PIK3C2B: variants seen among roughly 807,000 people sequenced by gnomAD.
PIK3C2B encodes phosphatidylinositol 4-phosphate 3-kinase C2 domain-containing subunit beta.
A neutral mutation model predicts 184.3 loss-of-function variants in PIK3C2B; 83 were observed. The ratio of observed to expected loss-of-function variants is 0.45; its 90% confidence interval spans 0.38 to 0.54. The LOEUF (loss-of-function observed/expected upper bound fraction) is 0.54. Among genes scored for constraint, PIK3C2B ranks in the 20% least tolerant of loss-of-function variants. The pLI is 0.00. For synonymous variants in PIK3C2B, 779 were observed against 837.6 expected, an observed-to-expected ratio of 0.93 and a Z score of 1.21; for missense variants, 1,736 against 2,113.5, an observed-to-expected ratio of 0.82 and a Z score of 3.50.
At chr1:204,441,427 T>C in intron 21 of PIK3C2B, 44 bp downstream of exon 21, 7 of 1,354,312 alleles carry the variant, frequency 5.2e-6, no homozygotes, top group Non-Finnish European at 7.4e-6. Context: ...TGCCTCCTTC[T>C]CTCTCCCACC....
intron 12 of PIK3C2B, among the ~76,000 whole-genome samples, chr1:204,452,706 G>A (rs1654480595): frequency 8.3e-6 from 1 of 120,682 alleles, no homozygotes; most frequent in African/African-American, 3.2e-5. Flanking sequence ...CCAGGCTATA[G>A]TGCAGTGGTG....
At chr1:204,462,001 G>A (rs1166339765) in intron 5 of PIK3C2B, among the ~76,000 whole-genome samples, 4 of 151,826 alleles carry the variant, frequency 2.6e-5, no homozygotes, top group Non-Finnish European at 4.4e-5. Flanking sequence ...TCATGTGTTG[G>A]GGGTCTGGGG....
chr1:204,486,344 G>A (rs1657589041), intron 1 of PIK3C2B, among the ~76,000 whole-genome samples: 1 of 149,192 alleles, frequency 6.7e-6, no homozygotes, highest in Non-Finnish European at 1.5e-5. Context: ...GCAGTGAGCT[G>A]GGATAGTGCC....
intron 8 of PIK3C2B, 113 bp downstream of exon 8, chr1:204,459,765 G>C: frequency 1.1e-6 from 1 of 890,170 alleles, no homozygotes. Context: ...TCTGCCAACA[G>C]ATTTTCAGGC....
intron 5 of PIK3C2B, among the ~76,000 whole-genome samples, 163 bp downstream of exon 5, chr1:204,463,849 C>T (rs1655528344): frequency 6.6e-6 from 1 of 152,196 alleles, no homozygotes; most frequent in African/African-American, 2.4e-5. Context: ...AGACAGAGCT[C>T]CTGGGGAAAG....
chr1:204,491,040 CA>C (rs1160472086), intron 1 of PIK3C2B, among the ~76,000 whole-genome samples: 1 of 152,094 alleles, frequency 6.6e-6, no homozygotes, highest in Non-Finnish European at 1.5e-5. Context: ...CCTACATGCC[CA>C]TGAGATGTCC....
At chr1:204,480,641 T>C (rs1487286221) in intron 1 of PIK3C2B, among the ~76,000 whole-genome samples, 1 of 151,954 alleles carries the variant, frequency 6.6e-6, no homozygotes, top group Non-Finnish European at 1.5e-5. Context: ...GGTGACTGCC[T>C]GTAAGCCTGG....
At chr1:204,481,661 C>T (rs1657160182) in intron 1 of PIK3C2B, among the ~76,000 whole-genome samples, 1 of 152,158 alleles carries the variant, frequency 6.6e-6, no homozygotes, top group African/African-American at 2.4e-5. Flanking sequence ...CCGGCCCTTC[C>T]CCAAGCAGGC....
chr1:204,440,502 C>T (rs1675592486), intron 21 of PIK3C2B, among the ~76,000 whole-genome samples, 181 bp from the exon 22 acceptor site: 1 of 152,092 alleles, frequency 6.6e-6, no homozygotes, highest in Non-Finnish European at 1.5e-5. Flanking sequence ...TCCCAGTTTG[C>T]CCATGTGTTG....
chr1:204,464,389 C>T, intron 4 of PIK3C2B, 61 bp downstream of exon 4: 1 of 1,503,022 alleles, frequency 6.7e-7, no homozygotes, highest in Non-Finnish European at 9.1e-7. Context: ...CGAGTCAAAA[C>T]ACAGTCATCC....
At chr1:204,438,858 G>A in intron 23 of PIK3C2B, 77 bp downstream of exon 23, 7 of 1,513,338 alleles carry the variant, frequency 4.6e-6, no homozygotes, top group Non-Finnish European at 6.3e-6. Context: ...AGCAAGTGCA[G>A]GTCTTGTGGT....
Position 204,475,303 on chromosome 1 carries a change from C to T in PIK3C2B, c.-84-5417G>A, listed in dbSNP as rs549144098. On this transcript the variant is annotated intron_variant, in intron 1 of 32. Transcript: ENST00000684373. ...CTCCGTGACTTGGTTCAAATTGTTC[C>T]AATTTGCTATTTGCTATTGGCTCCC... Among the ~76,000 whole-genome samples, 17 of 152,264 alleles carry T rather than the reference C, an allele frequency of 1.1e-4. No homozygotes were observed. In the East Asian group the frequency reaches 3.3e-3, roughly 29 times the overall value.
chr1:204,455,854 ACCTGGTAGCCCAGATGATGGGGATG>A lies in PIK3C2B; in HGVS notation c.1920_1943+1del. ...CTAGCGGCTACTCAGCCCTGGGCTC[ACCTGGTAGCCCAGATGATGGGGATG>A]CGGTGGGTGGCATAGACAGTGAAGG... On this transcript the variant is annotated splice_donor_variant and coding_sequence_variant, in exon 11 of 33. Coordinates refer to ENST00000684373, the MANE Select transcript of PIK3C2B (RefSeq NM_001377334.1). LOFTEE classifies it high-confidence loss of function. 1 of 1,608,918 alleles carries A rather than the reference ACCTGGTAGCCCAGATGATGGGGATG, an allele frequency of 6.2e-7. No homozygotes were observed. The highest frequency in any genetic ancestry group is 8.5e-7 in the Non-Finnish European group (1 of 1,176,978).
In PIK3C2B at chr1:204,447,536, G is replaced by A; in HGVS notation, c.2389C>T (p.Pro797Ser). 6.2e-7 allele frequency: 1 copy of A among 1,610,744 alleles called. No individual in the cohort carries two copies. Residue 797 changes from proline to serine, a missense_variant, in exon 15 of 33, where the codon CCC becomes TCC. Coordinates refer to ENST00000684373, the MANE Select transcript of PIK3C2B (RefSeq NM_001377334.1). The surrounding 1 kb of genome is among the most constrained non-coding windows in gnomAD (Gnocchi z 4.1). ...TSAFDIKFTS[P>S]PGDKFSPRYE... ...CGGGGGCTGAACTTGTCTCCAGGGG[G>A]GCTGGTGAACTTGATGTCAAAGGCC...
At chr1:204,463,896 T>G in intron 5 of PIK3C2B, 116 bp downstream of exon 5, 1 of 1,043,538 alleles carries the variant, frequency 9.6e-7, no homozygotes, top group Non-Finnish European at 1.4e-6. Context: ...AAAGCAGGAG[T>G]CTTGACTGTG....
chr1:204,464,066 A>G lies in PIK3C2B; in HGVS notation c.1256T>C (p.Val419Ala). The G allele has an allele frequency of 6.2e-7, 1 of 1,614,212 alleles. No individual in the cohort carries two copies. The highest frequency in any genetic ancestry group is 1.1e-5 in the South Asian group (1 of 91,084). Residue 419 changes from valine (V) to alanine (A), a missense_variant, in exon 5 of 33, where the codon GTG (valine) becomes GCG (alanine). Coordinates refer to ENST00000684373, the MANE Select transcript of PIK3C2B (RefSeq NM_001377334.1). ...CTTTAGCACAAAGTCACCCACGTCC[A>G]CATTCCTCAGGTCATCATGGGTGTA... ...LCYTHDDLRNVDVGDFVLKPC... is the reference protein window; with the variant it reads ...LCYTHDDLRNADVGDFVLKPC...
intron 24 of PIK3C2B, 83 bp downstream of exon 24, chr1:204,434,356 C>A (rs899106129): frequency 4.9e-5 from 62 of 1,261,780 alleles, no homozygotes; most frequent in Non-Finnish European, 7.0e-5. Context: ...CTGCTTCCAT[C>A]ATGGGCTTGT....
chr1:204,488,442 T>TAACATTAAA (rs1657781332), intron 1 of PIK3C2B, among the ~76,000 whole-genome samples: 2 of 152,196 alleles, frequency 1.3e-5, no homozygotes, highest in African/African-American at 4.8e-5. Context: ...TTCCTGTCAG[T>TAACATTAAA]AACATTAAAA....
chr1:204,464,035 G>T lies in PIK3C2B; in HGVS notation c.1287C>A (p.Cys429Ter). The T allele has an allele frequency of 6.2e-7, 1 of 1,614,058 alleles. No homozygotes were observed. The highest frequency in any genetic ancestry group is 1.7e-5 in the Admixed American group (1 of 60,004). Reference sequence around the variant, plus strand: ...ACTTCTGCAGGAACTCCTCCAGCCCGCAGGGCTTTAGCACAAAGTCACCCA... The same window carrying T: ...ACTTCTGCAGGAACTCCTCCAGCCCTCAGGGCTTTAGCACAAAGTCACCCA... ...VDVGDFVLKP[C>*]GLEEFLQNKH... The change falls in exon 5 of 33, where the codon TGC becomes TGA. Residue 429 changes from cysteine (C) to a stop codon, truncating the protein, a stop_gained. Transcript: ENST00000684373. LOFTEE classifies it high-confidence loss of function.
Sources: allele counts gnomAD v4.1 joint callset (sites outside exome capture counted in the v4.1 genomes callset), GRCh38; gene constraint gnomAD v4.1.1; non-coding constraint Gnocchi (gnomAD v3.1); transcripts MANE v1.5; gene names NCBI Gene and HGNC (gene_info 2026-07-23, HGNC 2026-07-21).